Variants in APOLD1 observed in about 807,000 individuals in gnomAD.
The protein encoded by APOLD1 is apolipoprotein L domain-containing protein 1.
In APOLD1, 22 loss-of-function variants were observed where a neutral mutation model predicts 15.3. The observed-to-expected ratio is 1.44, with a 90% CI of 1.03 to 2.05. The LOEUF (loss-of-function observed/expected upper bound fraction) is 2.05, where lower values mean the gene tolerates loss of function less well. Among genes scored for constraint, APOLD1 ranks in the 30% most tolerant of loss-of-function variants. The pLI is 0.00. For missense variants in APOLD1, 394 were observed against 353.5 expected (o/e 1.11, Z -0.92); for synonymous variants, 190 against 167.4 (o/e 1.13, Z -1.04).
chr12:12,791,420 A>G lies in APOLD1; in HGVS notation c.*3768A>G, dbSNP rs1947186904. 1 of 152,254 alleles carries G rather than the reference A, an allele frequency of 6.6e-6. No individual in the cohort carries two copies. The highest frequency in any genetic ancestry group is 2.4e-5 in the African/African-American group (1 of 41,472). 9.4% of individuals were successfully genotyped at this position (152,254 alleles called of 1,614,324 possible). A position where few individuals can be genotyped will look rare whatever the true frequency, so the allele number is the denominator to read the frequency against. ...TGAGTTCATTTTTTCCCACTGTAGC[A>G]AAATTAATGCTTTCTCTTTATTGAA... On this transcript the variant is annotated 3_prime_UTR_variant, in exon 2 of 2. Coordinates refer to ENST00000356591, the MANE Select transcript of APOLD1 (RefSeq NM_030817.3).
intron 1 of APOLD1, among the ~76,000 whole-genome samples, chr12:12,780,037 G>A (rs76824220): frequency 6.6e-5 from 10 of 152,010 alleles, no homozygotes; most frequent in East Asian, 3.9e-4. Context: ...ATACCAAGCT[G>A]TATAGTCCAA....
At chr12:12,735,474 G>T (rs574334751) in intron 1 of APOLD1, among the ~76,000 whole-genome samples, 1 of 152,108 alleles carries the variant, frequency 6.6e-6, no homozygotes, top group Non-Finnish European at 1.5e-5. Flanking sequence ...ACAGTCCAAG[G>T]CTGCAAGTCA....
At chr12:12,746,234 G>A (rs918754544) in intron 1 of APOLD1, among the ~76,000 whole-genome samples, 2 of 152,192 alleles carry the variant, frequency 1.3e-5, no homozygotes, top group Non-Finnish European at 2.9e-5. Context: ...AGTGGCTCAC[G>A]CCTGTAATCC....
intron 1 of APOLD1, among the ~76,000 whole-genome samples, chr12:12,754,302 G>A (rs1348200455): frequency 1.3e-5 from 2 of 151,906 alleles, no homozygotes; most frequent in African/African-American, 4.8e-5. Flanking sequence ...TCCCAAAGTG[G>A]TGGGATTGTC....
chr12:12,764,937 C>T (rs1946933113), intron 1 of APOLD1, among the ~76,000 whole-genome samples: 1 of 152,188 alleles, frequency 6.6e-6, no homozygotes, highest in African/African-American at 2.4e-5. Context: ...TGAGAGTTCA[C>T]CAGAGCAGCT....
intron 1 of APOLD1, among the ~76,000 whole-genome samples, chr12:12,745,444 C>T (rs796548612): frequency 7.9e-5 from 12 of 152,088 alleles, no homozygotes; most frequent in African/African-American, 2.2e-4. Flanking sequence ...GCTGGAGAAT[C>T]GGTTGAATCA....
At chr12:12,777,283 G>T (rs767516260) in intron 1 of APOLD1, among the ~76,000 whole-genome samples, 22 of 152,282 alleles carry the variant, frequency 1.4e-4, no homozygotes, top group South Asian at 8.3e-4. Flanking sequence ...CAACCCAGTG[G>T]TCACTCCTGG....
rs1209002957 is a variant in APOLD1, at chr12:12,769,256, C to T, written c.97-17653C>T. On this transcript the variant is annotated intron_variant, in intron 1 of 1. Coordinates refer to the APOLD1 transcript ENST00000326765. ...AAAAAAAAAAAAAAAAAAAAAGTCA[C>T]CACTCCATCTTAGCAAGTAAAAAGC... Among the ~76,000 whole-genome samples, 3 of 146,954 alleles carry T rather than the reference C, an allele frequency of 2.0e-5. No homozygotes were observed. The South Asian group carries it at 6.4e-4, about 31-fold the overall frequency.
rs1304427708 is a variant in APOLD1 at position 12,787,266 on chromosome 12, C to T, written c.361C>T (p.Gln121Ter). Residue 121 changes from glutamine (Q) to a stop codon, truncating the protein, a stop_gained, in exon 2 of 2, where the codon CAG becomes TAG. Coordinates refer to ENST00000356591, the MANE Select transcript of APOLD1 (RefSeq NM_030817.3). LOFTEE classifies it high-confidence loss of function. This position sits in a 1 kb window ranked among gnomAD's most constrained non-coding sequence, Gnocchi z 4.9. The stretch of plus-strand genomic sequence containing the variant: ...CAACTCCCGGGAGCTGCGGAGGGTG[C>T]AGGAGATCGCGGCCACCTGCCAGGA... ...FCNSRELRRV[Q>*]EIAATCQDQM... The T allele has an allele frequency of 6.3e-7, 1 of 1,595,626 alleles. No individual in the cohort carries two copies. Among genetic ancestry groups the T allele is most frequent in the South Asian group, 1.1e-5 (1 of 88,700 alleles).
upstream of APOLD1, among the ~76,000 whole-genome samples, chr12:12,785,063 G>A (rs1279792900): frequency 6.6e-6 from 1 of 152,192 alleles, no homozygotes; most frequent in Non-Finnish European, 1.5e-5. Context: ...GACCGCCAAT[G>A]TCTTCTCCAC....
At chr12:12,751,378 C>T (rs1565430104) in intron 1 of APOLD1, among the ~76,000 whole-genome samples, 1 of 152,056 alleles carries the variant, frequency 6.6e-6, no homozygotes, top group African/African-American at 2.4e-5. Context: ...GAGACAGAGT[C>T]TTGCTCTGTT....
At position 12,726,097 on chromosome 12, in the gene APOLD1, G is replaced by C; in HGVS notation, c.96+1G>C. 7.1e-7 allele frequency: 1 copy of C among 1,416,142 alleles called. No individual in the cohort carries two copies. Among genetic ancestry groups the C allele is most frequent in the Non-Finnish European group, 9.4e-7 (1 of 1,069,088 alleles). 87.7% of individuals were successfully genotyped at this position (1,416,142 alleles called of 1,614,324 possible). On this transcript the variant is annotated splice_donor_variant, in intron 1 of 1. Transcript: ENST00000326765. LOFTEE classifies it high-confidence loss of function. ...ATGCACCTTCCCCTGCCTTGGAAAG[G>C]TAGAACTGGGGAGTGCGGGAGGGTG...
At chr12:12,756,092 A>G (rs1006976899) in intron 1 of APOLD1, among the ~76,000 whole-genome samples, 1 of 152,244 alleles carries the variant, frequency 6.6e-6, no homozygotes, top group South Asian at 2.1e-4. Context: ...CTGAGTGGAG[A>G]GAAGTGAAAA....
chr12:12,786,932 G>C lies in APOLD1; in HGVS notation c.27G>C (p.Arg9=). Residue 9 remains arginine, a synonymous_variant, in exon 2 of 2, where the codon CGG becomes CGC. Coordinates refer to ENST00000356591, the MANE Select transcript of APOLD1 (RefSeq NM_030817.3). MGMERPAA[R]EPHGPDALRR... is the part of the protein sequence containing the mutation. ...AGGGAATGGAGAGGCCGGCGGCCCG[G>C]GAGCCGCATGGGCCCGACGCGCTGC... The C allele has an allele frequency of 6.9e-7, 1 of 1,452,008 alleles. No homozygotes were observed. Among genetic ancestry groups the C allele is most frequent in the Non-Finnish European group, 9.0e-7 (1 of 1,111,386 alleles). The allele number at this position is 1,452,008 out of a possible 1,614,324, so 89.9% of individuals were successfully genotyped here.
At chr12:12,729,233 TA>T (rs543224216) in intron 1 of APOLD1, among the ~76,000 whole-genome samples, 9,066 of 145,780 alleles carry the variant, frequency 0.062, 826 homozygotes, top group African/African-American at 0.21. Context: ...CTGTCGGCAT[TA>T]AAAAAAAAAA....
chr12:12,750,736 A>C (rs1040901075), intron 1 of APOLD1, among the ~76,000 whole-genome samples: 5 of 152,064 alleles, frequency 3.3e-5, no homozygotes, highest in Non-Finnish European at 7.4e-5. Flanking sequence ...GTAATAGAAA[A>C]ATGGAGTTAA....
chr12:12,786,364 ATCTAACTTAGAT>A (rs1448036176), intron 1 of APOLD1, among the ~76,000 whole-genome samples: 2 of 152,170 alleles, frequency 1.3e-5, no homozygotes, highest in Non-Finnish European at 2.9e-5. Flanking sequence ...TCAGGCAAGC[ATCTAACTTAGAT>A]GTTTCTTCTG....
At chr12:12,734,033 C>T (rs1408346881) in intron 1 of APOLD1, among the ~76,000 whole-genome samples, 2 of 152,074 alleles carry the variant, frequency 1.3e-5, no homozygotes, top group Non-Finnish European at 2.9e-5. Flanking sequence ...ATAATTTTTC[C>T]TCCATTTTTC....
At chr12:12,773,404 A>G (rs1040516444) in intron 1 of APOLD1, among the ~76,000 whole-genome samples, 1 of 152,100 alleles carries the variant, frequency 6.6e-6, no homozygotes, top group Non-Finnish European at 1.5e-5. Context: ...TCTACAAATA[A>G]ATTAAAAAAT....
Sources: allele counts gnomAD v4.1 joint callset (sites outside exome capture counted in the v4.1 genomes callset), GRCh38; gene constraint gnomAD v4.1.1; non-coding constraint Gnocchi (gnomAD v3.1); transcripts MANE v1.5; gene names NCBI Gene and HGNC (gene_info 2026-07-23, HGNC 2026-07-21).